UBASH3B: variants seen among roughly 807,000 people sequenced by gnomAD.
The protein encoded by UBASH3B is ubiquitin-associated and SH3 domain-containing protein B.
A neutral mutation model predicts 83.4 loss-of-function variants in UBASH3B; 37 were observed. The ratio of observed to expected loss-of-function variants is 0.44; its 90% confidence interval spans 0.34 to 0.58. UBASH3B has a LOEUF of 0.58. UBASH3B is among the 20% of genes least tolerant of loss of function. The pLI is 0.01. For missense variants in UBASH3B, 657 were observed against 827.2 expected (o/e 0.79, Z 2.52); for synonymous variants, 304 against 318.3 (o/e 0.96, Z 0.48).
At chr11:122,679,231 C>A (rs984527408) in intron 1 of UBASH3B, among the ~76,000 whole-genome samples, 2 of 152,162 alleles carry the variant, frequency 1.3e-5, no homozygotes, top group African/African-American at 2.4e-5. Flanking sequence ...GAGGTCAGTG[C>A]GTGCATAGGC....
chr11:122,792,861 C>A (rs1289535456), intron 6 of UBASH3B, among the ~76,000 whole-genome samples: 1 of 152,078 alleles, frequency 6.6e-6, no homozygotes, highest in Non-Finnish European at 1.5e-5. Context: ...GAGCAGAACC[C>A]CAGCACGAGT....
At chr11:122,776,011 T>C in intron 1 of UBASH3B, 1 of 487,706 alleles carries the variant, frequency 2.1e-6, no homozygotes. Context: ...AATCTGATGC[T>C]AATCACATGG....
chr11:122,768,518 A>ATATG, intron 1 of UBASH3B, among the ~76,000 whole-genome samples: 1 of 136,602 alleles, frequency 7.3e-6, no homozygotes, highest in East Asian at 2.0e-4. Context: ...GTATATATAT[A>ATATG]TATTTGAGAC....
chr11:122,718,009 C>T (rs1338897217), intron 1 of UBASH3B, among the ~76,000 whole-genome samples: 1 of 151,956 alleles, frequency 6.6e-6, no homozygotes, highest in African/African-American at 2.4e-5. Flanking sequence ...GTAACCTTCG[C>T]CTCCTGGGTT....
intron 2 of UBASH3B, 135 bp from the exon 3 acceptor site, chr11:122,776,889 A>T: frequency 5.3e-6 from 4 of 749,250 alleles, no homozygotes; most frequent in Non-Finnish European, 6.1e-6. Context: ...GTAGATTTTT[A>T]AATCATGAAT....
intron 4 of UBASH3B, 119 bp from the exon 5 acceptor site, chr11:122,782,934 C>T: frequency 8.0e-7 from 1 of 1,247,700 alleles, no homozygotes; most frequent in Non-Finnish European, 1.1e-6. Context: ...CGTCTTTTGT[C>T]TTCTTTGTTA....
chr11:122,801,245 C>CA lies in UBASH3B; in HGVS notation c.1512dup (p.Trp505MetfsTer24). ...GTAGAGCCCGGCTTATTTGAGTGGACAAAATGGGTTGCTGGGAGCACATTA... is the reference window on the plus strand; with the variant it reads ...GTAGAGCCCGGCTTATTTGAGTGGACAAAAATGGGTTGCTGGGAGCACATTA... On this transcript the variant is annotated frameshift_variant, in exon 11 of 14. Coordinates refer to ENST00000284273, the MANE Select transcript of UBASH3B (RefSeq NM_032873.5). LOFTEE classifies it high-confidence loss of function. 6.2e-7 allele frequency: 1 copy of CA among 1,611,288 alleles called. No individual in the cohort carries two copies. Among genetic ancestry groups the CA allele is most frequent in the Non-Finnish European group, 8.5e-7 (1 of 1,178,936 alleles).
intron 1 of UBASH3B, among the ~76,000 whole-genome samples, chr11:122,674,692 T>G (rs1366661317): frequency 6.6e-6 from 1 of 151,408 alleles, no homozygotes; most frequent in African/African-American, 2.4e-5. Flanking sequence ...AAACATTGTC[T>G]TCTTACTCAG....
intron 1 of UBASH3B, among the ~76,000 whole-genome samples, chr11:122,765,610 G>A (rs1465814972): frequency 2.0e-5 from 3 of 152,186 alleles, no homozygotes; most frequent in Non-Finnish European, 4.4e-5. Context: ...CACCTCAGTG[G>A]AGGAAGAAGT....
chr11:122,671,759 A>T (rs1863595956), intron 1 of UBASH3B, among the ~76,000 whole-genome samples: 1 of 152,052 alleles, frequency 6.6e-6, no homozygotes, highest in Non-Finnish European at 1.5e-5. Flanking sequence ...CGCCTCGGTG[A>T]GATGGCCTGC....
chr11:122,729,808 A>C (rs988106224), intron 1 of UBASH3B, among the ~76,000 whole-genome samples: 7 of 147,850 alleles, frequency 4.7e-5, no homozygotes, highest in African/African-American at 7.5e-5. Flanking sequence ...AAAAAAAAAA[A>C]AAAAAAAAAA....
chr11:122,686,020 C>T (rs567306832), intron 1 of UBASH3B, among the ~76,000 whole-genome samples: 1 of 152,248 alleles, frequency 6.6e-6, no homozygotes, highest in African/African-American at 2.4e-5. Flanking sequence ...GGTACTGAAC[C>T]CAGGCCTGCC....
chr11:122,679,071 C>G (rs1309443888), intron 1 of UBASH3B, among the ~76,000 whole-genome samples: 2 of 152,138 alleles, frequency 1.3e-5, no homozygotes, highest in Non-Finnish European at 2.9e-5. Flanking sequence ...CTAAAAGCCA[C>G]GTAGCCCAGA....
chr11:122,796,342 G>T, intron 8 of UBASH3B, 66 bp downstream of exon 8: 5 of 1,584,064 alleles, frequency 3.2e-6, no homozygotes, highest in East Asian at 2.2e-5. Flanking sequence ...GCACAGTCAA[G>T]CTACAGTTAT....
At chr11:122,719,199 G>T (rs1026054991) in intron 1 of UBASH3B, among the ~76,000 whole-genome samples, 2 of 152,152 alleles carry the variant, frequency 1.3e-5, no homozygotes, top group African/African-American at 2.4e-5. Flanking sequence ...CTAAGACCAC[G>T]CGGCTAATAA....
At chr11:122,695,486 G>A (rs1170010253) in intron 1 of UBASH3B, among the ~76,000 whole-genome samples, 1 of 152,170 alleles carries the variant, frequency 6.6e-6, no homozygotes, top group East Asian at 1.9e-4. Flanking sequence ...CCTTGATAAC[G>A]CTTCAACCCC....
At chr11:122,672,917 T>C (rs1330965739) in intron 1 of UBASH3B, among the ~76,000 whole-genome samples, 1 of 152,162 alleles carries the variant, frequency 6.6e-6, no homozygotes, top group Non-Finnish European at 1.5e-5. Flanking sequence ...ATGGATCAGC[T>C]TCTGGATAGC....
chr11:122,709,961 G>A (rs975787981), intron 1 of UBASH3B, among the ~76,000 whole-genome samples: 6 of 151,904 alleles, frequency 3.9e-5, no homozygotes, highest in Non-Finnish European at 8.8e-5. Context: ...GTTCGAGACC[G>A]CCTGGCCAAC....
intron 1 of UBASH3B, among the ~76,000 whole-genome samples, chr11:122,724,956 T>C (rs1860706424): frequency 1.3e-5 from 2 of 152,086 alleles, no homozygotes; most frequent in South Asian, 4.1e-4. Context: ...TTTATTTATT[T>C]ATTTATTTAT....
Sources: allele counts gnomAD v4.1 joint callset (sites outside exome capture counted in the v4.1 genomes callset), GRCh38; gene constraint gnomAD v4.1.1; transcripts MANE v1.5; gene names NCBI Gene and HGNC (gene_info 2026-07-23, HGNC 2026-07-21).